KMT2C: variants seen among roughly 807,000 people sequenced by gnomAD.
The protein encoded by KMT2C is histone-lysine N-methyltransferase 2C.
Under a neutral mutation model 507.9 loss-of-function variants are expected in KMT2C, and 88 were observed. That is an observed-to-expected ratio of 0.17 (90% CI 0.15 to 0.21). The LOEUF is 0.21. Ranked by LOEUF, KMT2C falls within the 10% of genes least tolerant of loss-of-function variation. The pLI, the probability that KMT2C is intolerant of heterozygous loss-of-function variation, is 1.00. For missense variants in KMT2C, 4,954 were observed against 5,957.8 expected (o/e 0.83, Z 5.55); for synonymous variants, 2,049 against 2,080.8 (o/e 0.98, Z 0.42).
chr7:152,324,110 T>TA (rs1277539292), intron 3 of KMT2C, among the ~76,000 whole-genome samples: 1 of 151,674 alleles, frequency 6.6e-6, no homozygotes, highest in East Asian at 1.9e-4. Flanking sequence ...GGTTTTGAGA[T>TA]ATACTACATA....
intron 6 of KMT2C, among the ~76,000 whole-genome samples, chr7:152,305,653 G>C (rs182150855): frequency 8.6e-5 from 13 of 151,920 alleles, no homozygotes; most frequent in African/African-American, 3.1e-4. Flanking sequence ...GTATGGACTC[G>C]TGTACTTATT....
chr7:152,203,908 G>A (rs550453283), intron 25 of KMT2C, among the ~76,000 whole-genome samples: 3 of 152,182 alleles, frequency 2.0e-5, no homozygotes, highest in Admixed American at 1.3e-4. Flanking sequence ...AACCACAGAA[G>A]TAAGCAAAAA....
intron 48 of KMT2C, 71 bp from the exon 49 acceptor site, chr7:152,153,025 C>G: frequency 1.3e-6 from 2 of 1,552,226 alleles, no homozygotes; most frequent in Non-Finnish European, 1.8e-6. Flanking sequence ...AAAATACACA[C>G]TTAGGATAAA....
intron 1 of KMT2C, among the ~76,000 whole-genome samples, chr7:152,359,035 A>G (rs2097174586): frequency 6.6e-6 from 1 of 152,208 alleles, no homozygotes; most frequent in African/African-American, 2.4e-5. Flanking sequence ...CACAAAGTTC[A>G]CATACCAGGT....
intron 1 of KMT2C, among the ~76,000 whole-genome samples, chr7:152,408,355 T>A (rs1357991239): frequency 1.3e-5 from 2 of 152,244 alleles, no homozygotes; most frequent in East Asian, 3.8e-4. Flanking sequence ...ATATAGTTTA[T>A]ACTATACATA....
chr7:152,140,285 C>T (rs762880484), intron 55 of KMT2C, among the ~76,000 whole-genome samples: 1 of 152,172 alleles, frequency 6.6e-6, no homozygotes, highest in Non-Finnish European at 1.5e-5. Context: ...AGAGCAGACA[C>T]AGGAAACGTC....
At chr7:152,256,715 C>A (rs1588642618) in intron 9 of KMT2C, among the ~76,000 whole-genome samples, 1 of 152,126 alleles carries the variant, frequency 6.6e-6, no homozygotes, top group East Asian at 1.9e-4. Flanking sequence ...CATGAACAGA[C>A]AATTCACGAG....
At position 152,134,996 on chromosome 7, in the gene KMT2C, A is replaced by G. The variant is rs1418188394; in HGVS notation, c.*1836T>C. On this transcript the variant is annotated 3_prime_UTR_variant, in exon 59 of 59. Coordinates refer to ENST00000262189, the MANE Select transcript of KMT2C (RefSeq NM_170606.3). Reference sequence around the variant, plus strand: ...TGTGTCCACAAATTCCAAAACCCATAACACTCTGTATACTTCAAAAAATTC... The same window carrying G: ...TGTGTCCACAAATTCCAAAACCCATGACACTCTGTATACTTCAAAAAATTC... The G allele has an allele frequency of 4.4e-6, 1 of 227,476 alleles. No homozygotes were observed. Among genetic ancestry groups the G allele is most frequent in the Non-Finnish European group, 8.8e-6 (1 of 114,246 alleles). 14.1% of individuals were successfully genotyped at this position (227,476 alleles called of 1,614,324 possible). A position where few individuals can be genotyped will look rare whatever the true frequency, so the allele number is the denominator to read the frequency against.
At chr7:152,356,317 G>A (rs945547613) in intron 2 of KMT2C, among the ~76,000 whole-genome samples, 1 of 152,220 alleles carries the variant, frequency 6.6e-6, no homozygotes, top group African/African-American at 2.4e-5. Context: ...GCTCACGCCT[G>A]TAATCCTAGC....
chr7:152,157,885 A>G, intron 44 of KMT2C: 1 of 1,339,488 alleles, frequency 7.5e-7, no homozygotes, highest in Non-Finnish European at 9.9e-7. Context: ...CGCAAAGTTC[A>G]CTCCAATGAT....
intron 6 of KMT2C, among the ~76,000 whole-genome samples, chr7:152,280,729 G>A (rs2096193844): frequency 6.6e-6 from 1 of 152,096 alleles, no homozygotes. Flanking sequence ...CTAAGTAAAT[G>A]GATGCTGTTT....
intron 18 of KMT2C, among the ~76,000 whole-genome samples, chr7:152,227,368 C>T (rs1261745699): frequency 1.3e-5 from 2 of 152,152 alleles, no homozygotes; most frequent in African/African-American, 4.8e-5. Flanking sequence ...AAAGTTGTTA[C>T]AGATATGTTT....
intron 9 of KMT2C, among the ~76,000 whole-genome samples, chr7:152,261,573 C>T (rs1352791267): frequency 6.6e-6 from 1 of 152,068 alleles, no homozygotes; most frequent in Non-Finnish European, 1.5e-5. Context: ...AATTAACATA[C>T]TTCAGCACAA....
rs555962123 is a variant in KMT2C, at chr7:152,221,855, A to G, written c.3499+146T>C. 3.2e-4 allele frequency: 203 copies of G among 629,266 alleles called. 6 individuals carry two copies. The South Asian group carries it at 4.1e-3, about 13-fold the overall frequency. The allele number at this position is 629,266 out of a possible 1,614,324, so 39.0% of individuals were successfully genotyped here. The stretch of plus-strand genomic sequence containing the variant: ...CCAGTAAAGCTGGATGACATTTTAT[A>G]TATCATTGTGGAAATGATTACCAAC... On this transcript the variant is annotated intron_variant, in intron 22 of 58. Coordinates refer to ENST00000262189, the MANE Select transcript of KMT2C (RefSeq NM_170606.3).
chr7:152,386,474 T>C (rs368464125), intron 1 of KMT2C, among the ~76,000 whole-genome samples: 2,542 of 111,088 alleles, frequency 0.023, no homozygotes, highest in South Asian at 0.097. Flanking sequence ...GCGTTTCCTT[T>C]TCCTCCTGGC....
At chr7:152,410,643 G>A (rs2097672929) in intron 1 of KMT2C, among the ~76,000 whole-genome samples, 1 of 146,566 alleles carries the variant, frequency 6.8e-6, no homozygotes. Flanking sequence ...TATATATAAT[G>A]TATAATTTTT....
At chr7:152,367,435 C>A in intron 1 of KMT2C, 2 of 717,842 alleles carry the variant, frequency 2.8e-6, no homozygotes, top group South Asian at 3.2e-5. Context: ...GCAGGCTGGT[C>A]TGGAACTCCT....
chr7:152,255,125 A>ATATG (rs991293652), intron 9 of KMT2C, among the ~76,000 whole-genome samples: 4 of 119,860 alleles, frequency 3.3e-5, no homozygotes, highest in Admixed American at 8.1e-5. Flanking sequence ...ATATATATAT[A>ATATG]TATATATATA....
intron 49 of KMT2C, 97 bp from the exon 50 acceptor site, chr7:152,151,678 GTTCA>G (rs2091633083): frequency 4.7e-6 from 4 of 856,710 alleles, no homozygotes; most frequent in South Asian, 2.4e-5. Context: ...TTACAACATG[GTTCA>G]TTAACATTAT....
Sources: allele counts gnomAD v4.1 joint callset (sites outside exome capture counted in the v4.1 genomes callset), GRCh38; gene constraint gnomAD v4.1.1; transcripts MANE v1.5; gene names NCBI Gene and HGNC (gene_info 2026-07-23, HGNC 2026-07-21).